TCF7L1: variants seen among roughly 807,000 people sequenced by gnomAD.
TCF7L1 encodes the protein transcription factor 7-like 1.
TCF7L1 carries 18 observed loss-of-function variants against 63.7 expected under a neutral mutation model. The ratio of observed to expected loss-of-function variants is 0.28; its 90% CI spans 0.20 to 0.42. The LOEUF is 0.42. Ranked by LOEUF, TCF7L1 falls within the 10% of genes least tolerant of loss-of-function variation. The pLI is 1.00. For missense variants in TCF7L1, 654 were observed against 779.3 expected (o/e 0.84, Z 1.91); for synonymous variants, 355 against 340.9 (o/e 1.04, Z -0.46).
chr2:85,298,269 G>A (rs1681880796), intron 4 of TCF7L1, among the ~76,000 whole-genome samples: 1 of 150,568 alleles, frequency 6.6e-6, no homozygotes, highest in Non-Finnish European at 1.5e-5. Flanking sequence ...GAGGTGGGCA[G>A]ATCACGAGGT....
intron 3 of TCF7L1, among the ~76,000 whole-genome samples, chr2:85,257,910 A>G (rs566074789): frequency 1.4e-4 from 21 of 152,236 alleles, no homozygotes; most frequent in Non-Finnish European, 1.2e-4. Flanking sequence ...GGATCAGGAA[A>G]TGATTTTCCT....
intron 3 of TCF7L1, among the ~76,000 whole-genome samples, chr2:85,208,483 G>T (rs942874430): frequency 6.6e-6 from 1 of 152,182 alleles, no homozygotes; most frequent in Non-Finnish European, 1.5e-5. Context: ...GTTGTTGTCC[G>T]TGTGTGTCAC....
Position 85,309,697 on chromosome 2 carries a change from A to C in TCF7L1, c.*235A>C. Reference sequence around the variant, plus strand: ...AATCTTTATAAGAAAGAGAACTGAAAAGTAGCGTGCTATTCGTCCTGTAGG... The same window carrying C: ...AATCTTTATAAGAAAGAGAACTGAACAGTAGCGTGCTATTCGTCCTGTAGG... On this transcript the variant is annotated 3_prime_UTR_variant, in exon 12 of 12. Coordinates refer to ENST00000282111, the MANE Select transcript of TCF7L1 (RefSeq NM_031283.3). The C allele has an allele frequency of 2.2e-6, 1 of 445,662 alleles. No individual in the cohort carries two copies. Among genetic ancestry groups the C allele is most frequent in the East Asian group, 3.5e-5 (1 of 28,660 alleles). The allele number at this position is 445,662 out of a possible 1,614,324, so 27.6% of individuals were successfully genotyped here.
At chr2:85,140,899 A>AAG (rs933791808) in intron 3 of TCF7L1, among the ~76,000 whole-genome samples, 9 of 95,094 alleles carry the variant, frequency 9.5e-5, no homozygotes, top group South Asian at 4.7e-4. Flanking sequence ...ATAAGAGCGA[A>AAG]AGAGAGAGAG....
At chr2:85,194,300 G>C (rs112700667) in intron 3 of TCF7L1, among the ~76,000 whole-genome samples, 1 of 152,088 alleles carries the variant, frequency 6.6e-6, no homozygotes, top group Admixed American at 6.5e-5. Flanking sequence ...AGGCCAAGGC[G>C]GGTGGATTAC....
intron 3 of TCF7L1, among the ~76,000 whole-genome samples, chr2:85,137,839 G>A (rs576841520): frequency 4.0e-5 from 6 of 151,140 alleles, no homozygotes; most frequent in East Asian, 3.9e-4. Flanking sequence ...GTTGCAATGA[G>A]CTGAGATTGT....
At chr2:85,157,781 A>G (rs963618971) in intron 3 of TCF7L1, among the ~76,000 whole-genome samples, 3 of 152,218 alleles carry the variant, frequency 2.0e-5, no homozygotes, top group African/African-American at 7.2e-5. Context: ...ATGGTGGCCA[A>G]TCTACCTGCA....
At chr2:85,234,020 T>TA (rs201998171) in intron 3 of TCF7L1, 13 of 152,154 alleles carry the variant, frequency 8.5e-5, no homozygotes, top group Non-Finnish European at 1.6e-4. Flanking sequence ...ATAACTGTTA[T>TA]AAATAGTCAC....
At position 85,208,384 on chromosome 2, in the gene TCF7L1, C is replaced by T. The variant is rs1186943052; in HGVS notation, c.441+73934C>T. ...CCTTCTGGCAGGAGAGAGAGACATACGTATACAGCGTGTCAGGTGGGAAAG... is the reference window on the plus strand; with the variant it reads ...CCTTCTGGCAGGAGAGAGAGACATATGTATACAGCGTGTCAGGTGGGAAAG... On this transcript the variant is annotated intron_variant, in intron 3 of 11. Transcript: ENST00000282111. Among the ~76,000 whole-genome samples the T allele has an allele frequency of 4.6e-5, 7 of 152,114 alleles. No homozygotes were observed. The East Asian group carries it at 7.7e-4, about 17-fold the overall frequency.
intron 3 of TCF7L1, among the ~76,000 whole-genome samples, chr2:85,194,229 C>G (rs556446454): frequency 2.0e-5 from 3 of 152,112 alleles, no homozygotes; most frequent in East Asian, 1.9e-4. Context: ...AAGGCATTGC[C>G]AAGTTGGAAT....
intron 3 of TCF7L1, among the ~76,000 whole-genome samples, chr2:85,263,268 C>T (rs1381093234): frequency 6.6e-6 from 1 of 150,630 alleles, no homozygotes; most frequent in African/African-American, 2.4e-5. Flanking sequence ...GCTTTAATGC[C>T]CACTGAGCAG....
intron 3 of TCF7L1, among the ~76,000 whole-genome samples, chr2:85,221,889 T>A (rs769069762): frequency 3.3e-5 from 5 of 151,626 alleles, no homozygotes; most frequent in African/African-American, 4.9e-5. Flanking sequence ...GAAGAACATG[T>A]TAGATTGACA....
At chr2:85,163,470 A>G (rs1234026196) in intron 3 of TCF7L1, among the ~76,000 whole-genome samples, 1 of 152,180 alleles carries the variant, frequency 6.6e-6, no homozygotes, top group Non-Finnish European at 1.5e-5. Context: ...CTGCCCGACC[A>G]GAAGCAGACT....
intron 3 of TCF7L1, among the ~76,000 whole-genome samples, chr2:85,159,013 G>A (rs547416787): frequency 6.6e-6 from 1 of 152,342 alleles, no homozygotes; most frequent in South Asian, 2.1e-4. Context: ...TGCTGTCTCA[G>A]AGTTGGCTGC....
intron 3 of TCF7L1, among the ~76,000 whole-genome samples, chr2:85,228,455 T>C (rs993686529): frequency 6.6e-6 from 1 of 152,024 alleles, no homozygotes. Context: ...GTTCCAGCCT[T>C]AGAGGGACTG....
intron 3 of TCF7L1, among the ~76,000 whole-genome samples, chr2:85,148,685 A>G (rs184313192): frequency 1.8e-4 from 27 of 152,236 alleles, no homozygotes; most frequent in African/African-American, 6.3e-4. Flanking sequence ...AATAATATAC[A>G]GTATTATCAC....
At chr2:85,196,361 C>T (rs572338655) in intron 3 of TCF7L1, among the ~76,000 whole-genome samples, 14 of 152,322 alleles carry the variant, frequency 9.2e-5, no homozygotes, top group Non-Finnish European at 1.5e-4. Flanking sequence ...TCCTGAGTAG[C>T]TAGGACTATA....
At chr2:85,168,528 G>T (rs1189321280) in intron 3 of TCF7L1, among the ~76,000 whole-genome samples, 1 of 151,972 alleles carries the variant, frequency 6.6e-6, no homozygotes, top group Non-Finnish European at 1.5e-5. Context: ...GGGTGCTGCC[G>T]AGTCTGAGCA....
intron 11 of TCF7L1, among the ~76,000 whole-genome samples, 170 bp downstream of exon 11, chr2:85,307,887 G>C (rs551969048): frequency 6.6e-6 from 1 of 152,272 alleles, no homozygotes; most frequent in African/African-American, 2.4e-5. Flanking sequence ...GAGATGTGAA[G>C]GCATTTTCCC....
Sources: gnomAD v4.1 joint callset for allele counts (sites outside exome capture counted in the v4.1 genomes callset) on GRCh38, gnomAD v4.1.1 for gene constraint, MANE v1.5 for transcripts, NCBI Gene and HGNC (gene_info 2026-07-23, HGNC 2026-07-21) for gene names.